The following KDM6A variants were observed in gnomAD, a reference collection of about 807,000 sequenced individuals.
KDM6A encodes the protein lysine demethylase 6A.
KDM6A carries 11 observed loss-of-function variants against 117.6 expected under a neutral mutation model. The ratio of observed to expected loss-of-function variants is 0.09; its 90% CI spans 0.06 to 0.15. KDM6A has a LOEUF of 0.15. KDM6A is among the 10% of genes least tolerant of loss of function. The pLI is 1.00. For synonymous variants in KDM6A, 384 were observed against 396.1 expected (o/e 0.97, Z 0.36); for missense variants, 799 against 1,077.3 (o/e 0.74, Z 3.62).
At chrX:44,937,287 A>G (rs1343731192) in intron 2 of KDM6A, among the ~76,000 whole-genome samples, 1 of 111,423 alleles carries the variant, frequency 9.0e-6, no homozygotes, top group Non-Finnish European at 1.9e-5. Context: ...AACATGAAAG[A>G]AGGAACAGGA....
intron 13 of KDM6A, 63 bp from the exon 14 acceptor site, chrX:45,060,546 A>T: frequency 1.1e-6 from 1 of 870,293 alleles, no homozygotes; most frequent in Non-Finnish European, 1.5e-6. Context: ...AAGTTTTATA[A>T]TTTGAAGGAA....
rs747001250 is a variant in KDM6A, at chrX:45,069,975, A to G, written c.2476A>G (p.Ser826Gly). Residue 826 changes from serine to glycine, a missense_variant, in exon 18 of 30, where the codon AGT becomes GGT. Ser to Gly is a moderately conservative substitution (Grantham distance 56). Transcript: ENST00000611820. ...AGATTCTAAGTCACCAGGTTTACTA[A>G]GTTCAGACAATCCTCAGCTCTCTGC... ...HGDSKSPGLL[S>G]SDNPQLSALL... 2.0e-5 allele frequency: 24 copies of G among 1,210,301 alleles called. No individual in the cohort carries two copies. The highest frequency in any genetic ancestry group is 1.1e-6 in the Non-Finnish European group (1 of 895,349).
intron 27 of KDM6A, among the ~76,000 whole-genome samples, chrX:45,098,650 C>T (rs1466883341): frequency 1.8e-5 from 2 of 112,295 alleles, no homozygotes; most frequent in Non-Finnish European, 3.8e-5. Context: ...GGTTCTATTG[C>T]TTAGAAAAGG....
chrX:44,935,500 C>T (rs1381117823), intron 2 of KDM6A, among the ~76,000 whole-genome samples: 3 of 110,648 alleles, frequency 2.7e-5, no homozygotes, highest in African/African-American at 9.9e-5. Context: ...TCTGATTTTT[C>T]CTTAAAATCT....
intron 2 of KDM6A, among the ~76,000 whole-genome samples, chrX:44,946,575 A>G (rs1329696570): frequency 9.0e-6 from 1 of 111,124 alleles, no homozygotes; most frequent in East Asian, 2.8e-4. Context: ...GAATTAATGT[A>G]TCAGCCTTTT....
chrX:44,949,062 TAAATC>T (rs1450354303), intron 2 of KDM6A, among the ~76,000 whole-genome samples: 9 of 112,244 alleles, frequency 8.0e-5, no homozygotes, highest in East Asian at 5.5e-4. Flanking sequence ...GATAATATAT[TAAATC>T]AAATAAAAAT....
chrX:44,954,848 A>T (rs1472597430), intron 2 of KDM6A, among the ~76,000 whole-genome samples: 2 of 111,547 alleles, frequency 1.8e-5, no homozygotes, highest in Non-Finnish European at 3.8e-5. Flanking sequence ...TCAAGGAGCA[A>T]CAAGTGGCAG....
chrX:45,058,585 A>G, intron 10 of KDM6A, among the ~76,000 whole-genome samples: 1 of 110,993 alleles, frequency 9.0e-6, no homozygotes, highest in South Asian at 3.8e-4. Flanking sequence ...TGATACAGCA[A>G]ATCTTACCAA....
At chrX:44,995,875 G>T (rs1047190349) in intron 4 of KDM6A, among the ~76,000 whole-genome samples, 2 of 111,499 alleles carry the variant, frequency 1.8e-5, no homozygotes, top group African/African-American at 6.5e-5. Flanking sequence ...GATGTTATTA[G>T]ATGCATTGCC....
At chrX:45,032,753 T>C (rs1209675158) in intron 6 of KDM6A, among the ~76,000 whole-genome samples, 1 of 111,684 alleles carries the variant, frequency 9.0e-6, no homozygotes, top group Non-Finnish European at 1.9e-5. Flanking sequence ...ACCCAACCAA[T>C]GTGTATTCTT....
At chrX:44,987,952 C>G (rs2147363904) in intron 4 of KDM6A, among the ~76,000 whole-genome samples, 1 of 111,106 alleles carries the variant, frequency 9.0e-6, no homozygotes, top group Admixed American at 9.6e-5. Context: ...TGAATGTTGG[C>G]CTGCCTTGCT....
intron 10 of KDM6A, among the ~76,000 whole-genome samples, chrX:45,055,099 T>C (rs1201429400): frequency 9.0e-6 from 1 of 111,344 alleles, no homozygotes; most frequent in African/African-American, 3.3e-5. Flanking sequence ...AAGGTTCCAA[T>C]TTTATGACTT....
At chrX:44,888,961 G>GC (rs1277023127) in intron 2 of KDM6A, among the ~76,000 whole-genome samples, 3 of 112,055 alleles carry the variant, frequency 2.7e-5, no homozygotes, top group Non-Finnish European at 1.9e-5. Flanking sequence ...CCTAAGAGTA[G>GC]CAAGAGTCGC....
intron 4 of KDM6A, among the ~76,000 whole-genome samples, chrX:44,984,493 G>A (rs1289104853): frequency 9.0e-6 from 1 of 111,600 alleles, no homozygotes; most frequent in African/African-American, 3.3e-5. Context: ...GCCCAGGCCT[G>A]TGTCCTGAAT....
At chrX:45,092,259 C>T (rs1278091690) in intron 27 of KDM6A, among the ~76,000 whole-genome samples, 1 of 111,099 alleles carries the variant, frequency 9.0e-6, no homozygotes, top group Non-Finnish European at 1.9e-5. Context: ...AAAGGTAGTT[C>T]AAGGTACAAG....
chrX:44,987,995 C>T (rs909509933), intron 4 of KDM6A, among the ~76,000 whole-genome samples: 4 of 111,922 alleles, frequency 3.6e-5, no homozygotes, highest in Non-Finnish European at 7.5e-5. Flanking sequence ...TAATATCCTG[C>T]AGAATGTTTT....
At chrX:45,088,452 A>G in intron 25 of KDM6A, among the ~76,000 whole-genome samples, 1 of 113,509 alleles carries the variant, frequency 8.8e-6, no homozygotes, top group Non-Finnish European at 1.9e-5. Context: ...ACACAGAGAT[A>G]GTACGTAAGT....
intron 20 of KDM6A, 44 bp downstream of exon 20, chrX:45,078,549 T>C (rs1399005942): frequency 9.2e-7 from 1 of 1,090,461 alleles, no homozygotes; most frequent in Non-Finnish European, 1.3e-6. Flanking sequence ...CTCTTTGTTT[T>C]GCTATCTTTT....
In KDM6A at chrX:45,110,676, C is replaced by A. The variant is rs775727442; in HGVS notation, c.4332+427C>A. Among the ~76,000 whole-genome samples the A allele has an allele frequency of 9.0e-5, 10 of 111,729 alleles. No individual in the cohort carries two copies. The East Asian group carries it at 2.8e-3, about 31-fold the overall frequency. On this transcript the variant is annotated intron_variant, in intron 29 of 29. Transcript: ENST00000611820. Reference sequence around the variant, plus strand: ...GTATTTGTTTAAAATTTTGTCCTTGCCAGAAGTATTAACCTCATGGGAGTA... The same window carrying A: ...GTATTTGTTTAAAATTTTGTCCTTGACAGAAGTATTAACCTCATGGGAGTA...
Sources: gnomAD v4.1 joint callset for allele counts (sites outside exome capture counted in the v4.1 genomes callset) on GRCh38, gnomAD v4.1.1 for gene constraint, MANE v1.5 for transcripts, NCBI Gene and HGNC (gene_info 2026-07-23, HGNC 2026-07-21) for gene names.